NUMB: variants seen among roughly 807,000 people sequenced by gnomAD.
The protein encoded by NUMB is NUMB endocytic adaptor protein.
NUMB carries 29 observed loss-of-function variants against 59.7 expected under a neutral mutation model. The ratio of observed to expected loss-of-function variants is 0.49; its 90% CI spans 0.36 to 0.66. The LOEUF is 0.66. Ranked by LOEUF, NUMB falls within the 30% of genes least tolerant of loss-of-function variation. The pLI is 0.00. For synonymous variants in NUMB, 288 were observed against 288.2 expected, an observed-to-expected ratio of 1.00 and a Z score of 0.01; for missense variants, 723 against 822.0, an observed-to-expected ratio of 0.88 and a Z score of 1.47.
intron 1 of NUMB, among the ~76,000 whole-genome samples, chr14:73,435,952 G>A (rs1344749690): frequency 1.3e-5 from 2 of 151,026 alleles, no homozygotes; most frequent in African/African-American, 4.9e-5. Flanking sequence ...GTTGCAGTGA[G>A]CCAAGATCGC....
chr14:73,305,054 A>C (rs2139868839), intron 6 of NUMB, among the ~76,000 whole-genome samples: 1 of 152,330 alleles, frequency 6.6e-6, no homozygotes, highest in Non-Finnish European at 1.5e-5. Flanking sequence ...GGTGTGAGCT[A>C]CCGCGCCTGG....
At chr14:73,356,350 A>G (rs1375685280) in intron 3 of NUMB, among the ~76,000 whole-genome samples, 1 of 152,212 alleles carries the variant, frequency 6.6e-6, no homozygotes, top group Non-Finnish European at 1.5e-5. Context: ...GTTTTCTTTA[A>G]ACACACTTAA....
At chr14:73,297,873 C>A (rs1889881702) in intron 6 of NUMB, 1 of 151,992 alleles carries the variant, frequency 6.6e-6, no homozygotes, top group Non-Finnish European at 1.5e-5. Flanking sequence ...AGAGTTAACA[C>A]AGACATTTTT....
chr14:73,373,243 T>G (rs1471260849), intron 2 of NUMB, among the ~76,000 whole-genome samples: 1 of 152,212 alleles, frequency 6.6e-6, no homozygotes, highest in Non-Finnish European at 1.5e-5. Flanking sequence ...GGGTGAACCC[T>G]ATTTCAGCAA....
chr14:73,350,070 TACATACATAC>T (rs1380125421), intron 4 of NUMB, among the ~76,000 whole-genome samples: 2 of 110,286 alleles, frequency 1.8e-5, no homozygotes, highest in South Asian at 2.7e-4. Flanking sequence ...TATACATACA[TACATACATAC>T]ACACACACAC....
chr14:73,318,482 AAGAC>A (rs1891202261), intron 5 of NUMB, among the ~76,000 whole-genome samples: 2 of 152,362 alleles, frequency 1.3e-5, no homozygotes, highest in South Asian at 2.1e-4. Flanking sequence ...GTCTAAAACT[AAGAC>A]AGAGGGAGAG....
intron 1 of NUMB, among the ~76,000 whole-genome samples, chr14:73,413,114 T>G (rs369903355): frequency 1.3e-5 from 2 of 151,876 alleles, no homozygotes; most frequent in Non-Finnish European, 2.9e-5. Context: ...AGACAGAGTC[T>G]TGCTCTGTCA....
At chr14:73,337,943 C>G (rs994851486) in intron 4 of NUMB, among the ~76,000 whole-genome samples, 1 of 152,140 alleles carries the variant, frequency 6.6e-6, no homozygotes, top group African/African-American at 2.4e-5. Flanking sequence ...AACAGTCTTC[C>G]CCAAATTAAT....
chr14:73,413,244 G>A (rs539532827), intron 1 of NUMB, among the ~76,000 whole-genome samples: 8 of 150,828 alleles, frequency 5.3e-5, no homozygotes, highest in African/African-American at 1.5e-4. Flanking sequence ...ACACCACCAC[G>A]CCCAGCTAAT....
chr14:73,284,905 T>C (rs988377775), intron 9 of NUMB: 2 of 152,320 alleles, frequency 1.3e-5, no homozygotes, highest in African/African-American at 4.8e-5. Flanking sequence ...TGGAGTGCAA[T>C]GGCACCATCT....
At chr14:73,314,377 T>C (rs745376831) in intron 6 of NUMB, among the ~76,000 whole-genome samples, 13 of 152,284 alleles carry the variant, frequency 8.5e-5, no homozygotes, top group Middle Eastern at 3.4e-3. Context: ...ATTATTATTT[T>C]TGGGTTAAGG....
chr14:73,405,957 A>G (rs1896644331), intron 2 of NUMB, among the ~76,000 whole-genome samples: 1 of 152,188 alleles, frequency 6.6e-6, no homozygotes. Flanking sequence ...CAGACTGACC[A>G]ATGGGTGGAA....
At chr14:73,420,256 G>A (rs1031124253) in intron 1 of NUMB, among the ~76,000 whole-genome samples, 11 of 152,184 alleles carry the variant, frequency 7.2e-5, no homozygotes, top group East Asian at 3.8e-4. Flanking sequence ...ACACGTTGTC[G>A]TCTGACACAA....
chr14:73,370,458 G>A (rs537198600), intron 2 of NUMB, among the ~76,000 whole-genome samples: 6 of 152,278 alleles, frequency 3.9e-5, no homozygotes, highest in South Asian at 4.1e-4. Flanking sequence ...TTGGGAGGCC[G>A]AGGTGGGTGG....
intron 6 of NUMB, 42 bp from the exon 7 acceptor site, chr14:73,297,327 T>C (rs529368519): frequency 5.2e-6 from 6 of 1,151,552 alleles, no homozygotes; most frequent in South Asian, 1.3e-5. Context: ...GATACACATA[T>C]ATAATATTAA....
chr14:73,311,271 G>A (rs904730755), intron 6 of NUMB, among the ~76,000 whole-genome samples: 5 of 152,088 alleles, frequency 3.3e-5, no homozygotes, highest in Admixed American at 2.0e-4. Flanking sequence ...GGCCAGACTC[G>A]TCTTGAACTC....
At chr14:73,390,669 T>TTTTTTTTTTA (rs1895803656) in intron 2 of NUMB, among the ~76,000 whole-genome samples, 2 of 118,996 alleles carry the variant, frequency 1.7e-5, no homozygotes, top group Non-Finnish European at 3.4e-5. Flanking sequence ...TTTTTTTTTT[T>TTTTTTTTTTA]GAGACAGTCT....
chr14:73,427,978 T>A (rs759176617), intron 1 of NUMB, among the ~76,000 whole-genome samples: 1 of 152,118 alleles, frequency 6.6e-6, no homozygotes, highest in Non-Finnish European at 1.5e-5. Context: ...TAAAGAAAAG[T>A]GTCTTTATAA....
At chr14:73,386,842 T>C (rs545650942) in intron 2 of NUMB, among the ~76,000 whole-genome samples, 1 of 141,430 alleles carries the variant, frequency 7.1e-6, no homozygotes, top group East Asian at 2.2e-4. Context: ...GGAAAAATAA[T>C]ACAAGACAAT....
Sources: gnomAD v4.1 joint callset for allele counts (sites outside exome capture counted in the v4.1 genomes callset) on GRCh38, gnomAD v4.1.1 for gene constraint, MANE v1.5 for transcripts, NCBI Gene and HGNC (gene_info 2026-07-23, HGNC 2026-07-21) for gene names.